The following RAD54L variants were observed in gnomAD, a reference collection of about 807,000 sequenced individuals.
The protein encoded by RAD54L is RAD54 like, also known as DNA repair and recombination protein RAD54-like.
Under a neutral mutation model 91.6 loss-of-function variants are expected in RAD54L, and 74 were observed. The observed-to-expected ratio is 0.81, with a 90% CI of 0.67 to 0.98. The LOEUF is 0.98. Among genes scored for constraint, RAD54L ranks in the 50% least tolerant of loss-of-function variants. The probability of loss-of-function intolerance (pLI) is 0.00; values close to 1 mark genes in which losing one functional copy is unlikely to be tolerated. For synonymous variants in RAD54L, 304 were observed against 349.7 expected (o/e 0.87, Z 1.46); for missense variants, 887 against 945.7 (o/e 0.94, Z 0.81).
chr1:46,267,198 G>A (rs1429743900), intron 8 of RAD54L, among the ~76,000 whole-genome samples: 1 of 152,128 alleles, frequency 6.6e-6, no homozygotes, highest in Non-Finnish European at 1.5e-5. Context: ...CAAGTAGCTG[G>A]GGCTATGGGT....
rs1295450414 is a variant in RAD54L at position 46,263,721 on chromosome 1, T to C, written c.891+2336T>C. On this transcript the variant is annotated intron_variant, in intron 8 of 17. Transcript: ENST00000371975. The surrounding 1 kb of genome is among the most constrained non-coding windows in gnomAD (Gnocchi z 4.3). ...GAGGGGGACTATGCCAGGAGCCAGG[T>C]CCAAAGCATTGTGGGAGAGGAAGGC... Among the ~76,000 whole-genome samples the C allele has an allele frequency of 6.6e-6, 1 of 152,122 alleles. No individual in the cohort carries two copies.
chr1:46,277,896 A>C lies in RAD54L; in HGVS notation c.1949A>C (p.Gln650Pro). The C allele has an allele frequency of 6.2e-7, 1 of 1,614,106 alleles. No individual in the cohort carries two copies. Among genetic ancestry groups the C allele is most frequent in the Non-Finnish European group, 8.5e-7 (1 of 1,180,022 alleles). The change falls in exon 17 of 18, where the codon CAG becomes CCG. Residue 650 changes from glutamine (Q) to proline (P), a missense_variant. Gln to Pro is a moderately conservative substitution (Grantham distance 76, BLOSUM62 -1). Coordinates refer to ENST00000371975, the MANE Select transcript of RAD54L (RefSeq NM_003579.4). The part of the protein sequence containing the change: ...ALSSCVVDEE[Q>P]DVERHFSLGE... ...AGCAGCTGTGTGGTGGATGAGGAGC[A>C]GGATGTAGAGCGCCACTTCTCTCTG...
At chr1:46,272,025 CTTTTTTTTTTTTTTTT>C (rs1162693010) in intron 10 of RAD54L, among the ~76,000 whole-genome samples, 3,836 of 41,468 alleles carry the variant, frequency 0.093, 376 homozygotes, top group South Asian at 0.48. Flanking sequence ...GGTCTGATGA[CTTTTTTTTTTTTTTTT>C]TTTTTTTTTT....
At chr1:46,277,012 G>A (rs546283329) in intron 16 of RAD54L, among the ~76,000 whole-genome samples, 1 of 152,166 alleles carries the variant, frequency 6.6e-6, no homozygotes, top group Non-Finnish European at 1.5e-5. Context: ...GGTCAGGCTG[G>A]TCTCGAACTC....
intron 3 of RAD54L, among the ~76,000 whole-genome samples, chr1:46,252,527 A>T (rs1433786459): frequency 6.6e-6 from 1 of 151,982 alleles, no homozygotes; most frequent in East Asian, 1.9e-4. Context: ...CAAGTGGAAA[A>T]ACTTGGGATT....
intron 3 of RAD54L, among the ~76,000 whole-genome samples, chr1:46,258,001 A>G (rs1659988064): frequency 6.6e-6 from 1 of 152,182 alleles, no homozygotes; most frequent in African/African-American, 2.4e-5. Flanking sequence ...CTCTGTGTCT[A>G]GCATACATTG....
Position 46,273,339 on chromosome 1 carries a change from T to C in RAD54L, c.1376-16T>C. 6.3e-7 allele frequency: 1 copy of C among 1,586,882 alleles called. No homozygotes were observed. The highest frequency in any genetic ancestry group is 1.1e-5 in the South Asian group (1 of 90,556). On this transcript the variant is annotated splice_polypyrimidine_tract_variant and intron_variant, in intron 12 of 17. Transcript: ENST00000371975. The stretch of plus-strand genomic sequence containing the variant: ...CAGAAAGCAAAGTATCTGGGTTTTG[T>C]TTTGTTTTCTCCCAGATCCAGCTCT...
At chr1:46,264,017 G>A (rs762900549) in intron 8 of RAD54L, among the ~76,000 whole-genome samples, 1 of 152,092 alleles carries the variant, frequency 6.6e-6, no homozygotes, top group African/African-American at 2.4e-5. Flanking sequence ...GGCTAGTCTC[G>A]AACTCCTGGC....
chr1:46,273,657 T>C lies in RAD54L; in HGVS notation c.1520T>C (p.Val507Ala), dbSNP rs368704337. Residue 507 changes from valine (V) to alanine (A), a missense_variant, in exon 14 of 18, where the codon GTG becomes GCG. Coordinates refer to ENST00000371975, the MANE Select transcript of RAD54L (RefSeq NM_003579.4). ...KMLVLDYILA[V>A]TRSRSSDKVV... ...CTGGTCCTGGATTATATTCTGGCGG[T>C]GACCCGAAGCCGTAGCAGTGACAAA... 31 of 1,613,854 alleles carry C rather than the reference T, an allele frequency of 1.9e-5. No homozygotes were observed. The African/African-American group carries it at 3.9e-4, about 20-fold the overall frequency.
chr1:46,254,631 C>T (rs966265684), intron 3 of RAD54L, among the ~76,000 whole-genome samples: 3 of 150,702 alleles, frequency 2.0e-5, no homozygotes, highest in African/African-American at 4.9e-5. Context: ...CTGTGTCACC[C>T]AGGCTGGAAT....
At chr1:46,272,591 AGCATGGCTG>A in intron 11 of RAD54L, 51 bp downstream of exon 11, 1 of 1,611,390 alleles carries the variant, frequency 6.2e-7, no homozygotes, top group Non-Finnish European at 8.5e-7. Flanking sequence ...TAGCTCCTGA[AGCATGGCTG>A]GGCTCTCAAG....
At chr1:46,254,731 C>A (rs932275468) in intron 3 of RAD54L, among the ~76,000 whole-genome samples, 3 of 152,044 alleles carry the variant, frequency 2.0e-5, no homozygotes, top group Non-Finnish European at 2.9e-5. Flanking sequence ...GGACCACAGG[C>A]GTGTGCCACC....
chr1:46,260,245 G>T, intron 5 of RAD54L, 146 bp downstream of exon 5: 2 of 1,309,384 alleles, frequency 1.5e-6, no homozygotes, highest in East Asian at 2.3e-5. Flanking sequence ...AGACTGCCTG[G>T]GGAAGAGCCT....
At chr1:46,255,695 T>G (rs1398802169) in intron 3 of RAD54L, among the ~76,000 whole-genome samples, 5 of 151,942 alleles carry the variant, frequency 3.3e-5, no homozygotes, top group Non-Finnish European at 7.4e-5. Context: ...GAGACGGGGT[T>G]TCACCATGTT....
chr1:46,267,653 CT>C, intron 9 of RAD54L, 44 bp downstream of exon 9: 2 of 1,563,332 alleles, frequency 1.3e-6, no homozygotes, highest in Non-Finnish European at 1.8e-6. Context: ...GGAGCCCTGC[CT>C]TGTCTTTGGG....
intron 4 of RAD54L, among the ~76,000 whole-genome samples, chr1:46,259,345 G>T (rs1660032011): frequency 1.3e-5 from 2 of 152,104 alleles, no homozygotes. Context: ...CTCTCAGAAA[G>T]CTCCATGAAA....
chr1:46,272,450 A>G lies in RAD54L; in HGVS notation c.1170-16A>G. The G allele has an allele frequency of 6.3e-7, 1 of 1,591,690 alleles. No individual in the cohort carries two copies. Among genetic ancestry groups the G allele is most frequent in the Non-Finnish European group, 8.6e-7 (1 of 1,159,750 alleles). On this transcript the variant is annotated splice_polypyrimidine_tract_variant and intron_variant, in intron 10 of 17. Transcript: ENST00000371975. The stretch of plus-strand genomic sequence containing the variant: ...AATTTTACCAGCCTCTTGCCTTTTT[A>G]TCCTGTTTTCTCTAGATGCCTGATA...
Position 46,260,991 on chromosome 1 carries a change from A to G in RAD54L, c.742A>G (p.Lys248Glu), listed in dbSNP as rs1660101474. The G allele has an allele frequency of 6.2e-7, 1 of 1,613,940 alleles. No individual in the cohort carries two copies. The highest frequency in any genetic ancestry group is 8.5e-7 in the Non-Finnish European group (1 of 1,180,008). The change falls in exon 7 of 18, where the codon AAG (lysine) becomes GAG (glutamate). Residue 248 changes from lysine (K) to glutamate (E), a missense_variant. Lys to Glu is a moderately conservative substitution (Grantham distance 56). Coordinates refer to ENST00000371975, the MANE Select transcript of RAD54L (RefSeq NM_003579.4). ...ACCTCTGGCCATCGATGGAGGATCT[A>G]AGGATGAAATAGACCAAAAGCTGGG... ...IQPLAIDGGS[K>E]DEIDQKLEGF...
In RAD54L at chr1:46,278,187, G is replaced by A. The variant is rs1199834524; in HGVS notation, c.2149G>A (p.Asp717Asn). The change falls in exon 18 of 18, where the codon GAT (aspartate) becomes AAT (asparagine). Residue 717 changes from aspartate (D) to asparagine (N), a missense_variant. Physicochemically the swap from Asp to Asn is conservative, Grantham distance 23 (BLOSUM62 1). Transcript: ENST00000371975. ...NHCTDKWGLR[D>N]EVLQAAWDAA... ...CTGCACTGATAAGTGGGGGCTCCGG[G>A]ATGAGGTACTCCAGGCTGCCTGGGA... 2 of 1,613,874 alleles carry A rather than the reference G, an allele frequency of 1.2e-6. No individual in the cohort carries two copies. Among genetic ancestry groups the A allele is most frequent in the Non-Finnish European group, 1.7e-6 (2 of 1,179,936 alleles).
Sources: gnomAD v4.1 joint callset for allele counts (sites outside exome capture counted in the v4.1 genomes callset) on GRCh38, gnomAD v4.1.1 for gene constraint, Gnocchi (gnomAD v3.1) non-coding constraint, MANE v1.5 for transcripts, NCBI Gene and HGNC (gene_info 2026-07-23, HGNC 2026-07-21) for gene names.